The following SPATA6L variants were observed in gnomAD, a reference collection of about 807,000 sequenced individuals.
SPATA6L encodes spermatogenesis associated 6-like protein.
Under a neutral mutation model 49.2 loss-of-function variants are expected in SPATA6L, and 68 were observed. That is an observed-to-expected ratio of 1.38 (90% CI 1.14 to 1.69). The LOEUF is 1.69. Among genes scored for constraint, SPATA6L ranks in the 40% most tolerant of loss-of-function variants. The pLI is 0.00. For synonymous variants in SPATA6L, 198 were observed against 165.7 expected, an observed-to-expected ratio of 1.19 and a Z score of -1.50; for missense variants, 668 against 464.3, an observed-to-expected ratio of 1.44 and a Z score of -4.03.
At chr9:4,594,045 T>A (rs959316397), downstream of SPATA6L, among the ~76,000 whole-genome samples, 3 of 152,222 alleles carry the variant, frequency 2.0e-5, no homozygotes, top group Non-Finnish European at 2.9e-5. Flanking sequence ...TGCCCTTGGT[T>A]TCTCCTGCCC....
intron 4 of SPATA6L, 119 bp downstream of exon 4, chr9:4,635,156 A>G: frequency 9.3e-7 from 1 of 1,076,220 alleles, no homozygotes. Flanking sequence ...AAACAGAGCT[A>G]CTAAACAGAA....
rs770983636 is a variant in SPATA6L, at chr9:4,625,573, TAAAC to T, written c.430-11_430-8del. ...GTGACTCATGTCTTTCTTCCTGAAATAAACAAAAAAAGAATATTTTTTAAAATAA... is the reference window on the plus strand; with the variant it reads ...GTGACTCATGTCTTTCTTCCTGAAATAAAAAAAGAATATTTTTTAAAATAA... On this transcript the variant is annotated splice_region_variant and splice_polypyrimidine_tract_variant and intron_variant, in intron 5 of 11. Coordinates refer to ENST00000682582, the MANE Select transcript of SPATA6L (RefSeq NM_001353486.2). 6.8e-7 allele frequency: 1 copy of T among 1,479,314 alleles called. No homozygotes were observed. The highest frequency in any genetic ancestry group is 1.4e-5 in the African/African-American group (1 of 69,916). The allele number at this position is 1,479,314 out of a possible 1,614,324, so 91.6% of individuals were successfully genotyped here. A position where few individuals can be genotyped will look rare whatever the true frequency, so the allele number is the denominator to read the frequency against.
At chr9:4,590,311 A>T (rs1245316630) in intron 13 of SPATA6L, among the ~76,000 whole-genome samples, 3 of 152,176 alleles carry the variant, frequency 2.0e-5, no homozygotes, top group Non-Finnish European at 4.4e-5. Context: ...TGATCGGGAC[A>T]TTTCTCAATG....
chr9:4,617,871 T>A lies in SPATA6L; in HGVS notation c.995+52A>T, dbSNP rs1828365554. 6.1e-6 allele frequency: 9 copies of A among 1,479,852 alleles called. No homozygotes were observed. In the Admixed American group the frequency reaches 1.0e-4, roughly 17 times the overall value. 91.7% of individuals were successfully genotyped at this position (1,479,852 alleles called of 1,614,324 possible). ...TGGTGAAATGACCCAGCTTTACCCCTGCCAGGCCACAATGCACTCGTCAGG... is the reference window on the plus strand; with the variant it reads ...TGGTGAAATGACCCAGCTTTACCCCAGCCAGGCCACAATGCACTCGTCAGG... On this transcript the variant is annotated intron_variant, in intron 9 of 11. Coordinates refer to ENST00000682582, the MANE Select transcript of SPATA6L (RefSeq NM_001353486.2).
At chr9:4,666,131 G>T (rs1840824543) in intron 1 of SPATA6L, 81 bp downstream of exon 1, 6 of 1,258,862 alleles carry the variant, frequency 4.8e-6, no homozygotes, top group South Asian at 3.6e-5. Flanking sequence ...TGGGGGATGT[G>T]GGGGAGGGTT....
intron 3 of SPATA6L, among the ~76,000 whole-genome samples, chr9:4,643,242 A>G (rs1252192117): frequency 6.6e-6 from 1 of 152,278 alleles, no homozygotes; most frequent in African/African-American, 2.4e-5. Context: ...TCCTGACCTC[A>G]TGATCCGCCC....
chr9:4,643,314 A>G (rs191906539), intron 3 of SPATA6L, among the ~76,000 whole-genome samples: 3 of 152,284 alleles, frequency 2.0e-5, no homozygotes, highest in Admixed American at 6.5e-5. Flanking sequence ...TGCAAACACA[A>G]CAAATCCAAT....
chr9:4,648,775 C>T (rs979007557), intron 3 of SPATA6L, among the ~76,000 whole-genome samples: 2 of 152,018 alleles, frequency 1.3e-5, no homozygotes, highest in African/African-American at 4.8e-5. Flanking sequence ...GCACCCATCA[C>T]CCGAGCAGTA....
chr9:4,666,307 G>A lies in SPATA6L; in HGVS notation c.-57C>T. The A allele has an allele frequency of 1.3e-6, 2 of 1,599,514 alleles. No homozygotes were observed. Among genetic ancestry groups the A allele is most frequent in the South Asian group, 2.2e-5 (2 of 90,426 alleles). On this transcript the variant is annotated 5_prime_UTR_variant, in exon 1 of 12. Coordinates refer to ENST00000682582, the MANE Select transcript of SPATA6L (RefSeq NM_001353486.2). ...AGAAGATCCTTTTGTGCCGAGCCTTGGACCAATTTTTCTTAGTTTAGCTGA... is the reference window on the plus strand; with the variant it reads ...AGAAGATCCTTTTGTGCCGAGCCTTAGACCAATTTTTCTTAGTTTAGCTGA...
chr9:4,649,459 T>C (rs1238497651), intron 3 of SPATA6L, among the ~76,000 whole-genome samples: 4 of 152,228 alleles, frequency 2.6e-5, no homozygotes, highest in African/African-American at 9.6e-5. Context: ...TCATCATAAC[T>C]CTATGAGTCC....
intron 3 of SPATA6L, among the ~76,000 whole-genome samples, chr9:4,650,905 T>C (rs914228840): frequency 6.6e-6 from 1 of 151,756 alleles, no homozygotes; most frequent in East Asian, 1.9e-4. Flanking sequence ...TTTCACCATA[T>C]TGGCCAGGCT....
At position 4,661,945 on chromosome 9, in the gene SPATA6L, G is replaced by A. The variant is rs1031861121; in HGVS notation, c.131C>T (p.Pro44Leu). 2 of 1,613,958 alleles carry A rather than the reference G, an allele frequency of 1.2e-6. No homozygotes were observed. Among genetic ancestry groups the A allele is most frequent in the African/African-American group, 1.3e-5 (1 of 74,996 alleles). ...CTGAATCATAATGGGGAACGCAGAG[G>A]GAAAGCTGTTGGTCTCCAGGTACTG... is the stretch of plus-strand genomic sequence containing the variant. ...MNQYLETNSF[P>L]SAFPIMIQES... Residue 44 changes from proline (P) to leucine (L), a missense_variant, in exon 2 of 12, where the codon CCC becomes CTC. By Grantham distance (98) the Pro-to-Leu change is moderately conservative. Coordinates refer to ENST00000682582, the MANE Select transcript of SPATA6L (RefSeq NM_001353486.2).
chr9:4,625,327 G>A lies in SPATA6L; in HGVS notation c.669C>T (p.His223=), dbSNP rs373984318. The change falls in exon 6 of 12, where the codon CAC becomes CAT. Residue 223 remains histidine (H), a splice_region_variant and synonymous_variant. Transcript: ENST00000682582. ...GGSKPPFVVR[H]VDSAKPFGEN... Reference sequence around the variant, plus strand: ...CTCTAAAAAATAATTTTAGGCTCACGTGTCTAACAACAAATGGAGGCTTGC... The same window carrying A: ...CTCTAAAAAATAATTTTAGGCTCACATGTCTAACAACAAATGGAGGCTTGC... 1.2e-5 allele frequency: 19 copies of A among 1,610,852 alleles called. No homozygotes were observed. The highest frequency in any genetic ancestry group is 1.7e-4 in the Middle Eastern group (1 of 6,058).
At position 4,647,409 on chromosome 9, in the gene SPATA6L, T is replaced by C. The variant is rs1044641348; in HGVS notation, c.226+8632A>G. 5.9e-5 allele frequency among the ~76,000 whole-genome samples: 9 copies of C among 151,982 alleles called. No homozygotes were observed. In the East Asian group the frequency reaches 1.4e-3, roughly 23 times the overall value. On this transcript the variant is annotated intron_variant, in intron 3 of 11. Coordinates refer to ENST00000682582, the MANE Select transcript of SPATA6L (RefSeq NM_001353486.2). ...GAGTTCGAGACCAGCCTGGCCAACA[T>C]AGTGAAACCCCGTGTCTACTAAAAA...
intron 9 of SPATA6L, among the ~76,000 whole-genome samples, chr9:4,605,954 G>GAGGCC (rs1564121322): frequency 6.6e-6 from 1 of 152,138 alleles, no homozygotes; most frequent in East Asian, 1.9e-4. Flanking sequence ...GTGTGTGCGC[G>GAGGCC]CACCGTGCGC....
Position 4,627,777 on chromosome 9 carries a change from C to G in SPATA6L, c.429+1314G>C, listed in dbSNP as rs192696335. 41 of 1,289,310 alleles carry G rather than the reference C, an allele frequency of 3.2e-5. No homozygotes were observed. In the African/African-American group the frequency reaches 4.5e-4, roughly 14 times the overall value. The allele number at this position is 1,289,310 out of a possible 1,614,324, so 79.9% of individuals were successfully genotyped here. A position where few individuals can be genotyped will look rare whatever the true frequency, so the allele number is the denominator to read the frequency against. On this transcript the variant is annotated intron_variant, in intron 5 of 11. Transcript: ENST00000682582. The stretch of plus-strand genomic sequence containing the variant: ...CCAAAGACGGACCATGAATACAATC[C>G]GAGCATCAGCCTCAGCAAAAGAAAG...
chr9:4,662,372 T>C lies in SPATA6L; in HGVS notation c.40-336A>G, dbSNP rs777547236. 2.7e-6 allele frequency: 4 copies of C among 1,507,386 alleles called. No individual in the cohort carries two copies. Among genetic ancestry groups the C allele is most frequent in the East Asian group, 2.5e-5 (1 of 40,316 alleles). 93.4% of individuals were successfully genotyped at this position (1,507,386 alleles called of 1,614,324 possible). A position where few individuals can be genotyped will look rare whatever the true frequency, so the allele number is the denominator to read the frequency against. The stretch of plus-strand genomic sequence containing the variant: ...AGGTCCCGGGATCCGGGCCGCCAGC[T>C]GCGATGCCAAGTCCCCGGAGGAGCA... On this transcript the variant is annotated intron_variant, in intron 1 of 11. Coordinates refer to ENST00000682582, the MANE Select transcript of SPATA6L (RefSeq NM_001353486.2). This position sits in a 1 kb window ranked among gnomAD's most constrained non-coding sequence, Gnocchi z 4.9.
chr9:4,594,454 T>C (rs552452877), downstream of SPATA6L, among the ~76,000 whole-genome samples: 17 of 152,278 alleles, frequency 1.1e-4, no homozygotes, highest in South Asian at 3.5e-3. Context: ...ACTCATGATC[T>C]GCCTGCCTCA....
intron 3 of SPATA6L, among the ~76,000 whole-genome samples, chr9:4,648,465 C>A (rs1223232714): frequency 6.6e-6 from 1 of 151,916 alleles, no homozygotes. Flanking sequence ...TTTGGGAGGC[C>A]GAGGCGGGCG....
Sources: allele counts gnomAD v4.1 joint callset (sites outside exome capture counted in the v4.1 genomes callset), GRCh38; gene constraint gnomAD v4.1.1; non-coding constraint Gnocchi (gnomAD v3.1); transcripts MANE v1.5; gene names NCBI Gene and HGNC (gene_info 2026-07-23, HGNC 2026-07-21).